The following VSTM5 variants were observed in gnomAD, a reference collection of about 807,000 sequenced individuals.
The protein encoded by VSTM5 is V-set and transmembrane domain containing 5.
A neutral mutation model predicts 20.3 loss-of-function variants in VSTM5; 21 were observed. The observed-to-expected ratio is 1.03, with a 90% confidence interval of 0.73 to 1.49. The LOEUF (loss-of-function observed/expected upper bound fraction) is 1.49, where lower values mean the gene tolerates loss of function less well. Among genes scored for constraint, VSTM5 ranks in the 40% most tolerant of loss-of-function variants. The pLI, the probability that VSTM5 is intolerant of heterozygous loss-of-function variation, is 0.00. For missense variants in VSTM5, 219 were observed against 250.0 expected, an observed-to-expected ratio of 0.88 and a Z score of 0.84; for synonymous variants, 100 against 102.5, an observed-to-expected ratio of 0.98 and a Z score of 0.14.
chr11:93,841,401 T>A (rs1006193622), intron 1 of VSTM5, among the ~76,000 whole-genome samples: 4 of 152,236 alleles, frequency 2.6e-5, no homozygotes, highest in Admixed American at 2.6e-4. Flanking sequence ...TTTGCTGAAT[T>A]CTTTGTTCAA....
chr11:93,849,623 A>G (rs559823018), intron 1 of VSTM5, among the ~76,000 whole-genome samples: 35 of 152,356 alleles, frequency 2.3e-4, no homozygotes, highest in Non-Finnish European at 4.4e-4. Context: ...TCTCACCTCC[A>G]GCGGCCCTGC....
At chr11:93,847,495 C>T (rs1269846426) in intron 1 of VSTM5, among the ~76,000 whole-genome samples, 2 of 152,228 alleles carry the variant, frequency 1.3e-5, no homozygotes, top group Non-Finnish European at 2.9e-5. Flanking sequence ...TTTCTGAGGA[C>T]TGGCCCCAGT....
At chr11:93,830,930 A>AT (rs1157794136) in intron 1 of VSTM5, among the ~76,000 whole-genome samples, 3 of 150,554 alleles carry the variant, frequency 2.0e-5, no homozygotes, top group African/African-American at 7.3e-5. Context: ...TTTTATTTTT[A>AT]TTTTTTTTGT....
intron 1 of VSTM5, 103 bp from the exon 2 acceptor site, chr11:93,821,426 T>C: frequency 9.1e-7 from 1 of 1,093,362 alleles, no homozygotes; most frequent in South Asian, 1.6e-5. Context: ...ATTGTGTGCC[T>C]ATTATATGCC....
At chr11:93,826,149 C>T (rs141237091) in intron 1 of VSTM5, among the ~76,000 whole-genome samples, 52 of 151,870 alleles carry the variant, frequency 3.4e-4, no homozygotes, top group African/African-American at 1.2e-3. Context: ...CTGAAGCAGG[C>T]GGATCACCTG....
intron 1 of VSTM5, among the ~76,000 whole-genome samples, chr11:93,842,735 C>G (rs1944380315): frequency 6.6e-6 from 1 of 152,206 alleles, no homozygotes; most frequent in South Asian, 2.1e-4. Context: ...GTGTTGTTAT[C>G]TCCCAACAAT....
chr11:93,828,971 G>A (rs1203191193), intron 1 of VSTM5, among the ~76,000 whole-genome samples: 1 of 152,152 alleles, frequency 6.6e-6, no homozygotes, highest in African/African-American at 2.4e-5. Flanking sequence ...TGGGAGATCT[G>A]GAAAAGTCCT....
chr11:93,850,301 C>A, intron 1 of VSTM5, 111 bp downstream of exon 1: 1 of 907,564 alleles, frequency 1.1e-6, no homozygotes, highest in South Asian at 1.8e-5. Context: ...CGCCCTCAGC[C>A]GGACAAGGTG....
In VSTM5 at chr11:93,820,875, A is replaced by G; in HGVS notation, c.427T>C (p.Tyr143His). The change falls in exon 3 of 4, where the codon TAT becomes CAT. Residue 143 changes from tyrosine to histidine, a missense_variant. By Grantham distance (83) the Tyr-to-His change is moderately conservative. Coordinates refer to ENST00000409977, the MANE Select transcript of VSTM5 (RefSeq NM_001144871.2). ...ACAGCGACAAAGTGCAGGTCTTCAT[A>G]GAGGATCTCTATGGAGTGAGGGTGA... ...TIVLHVSEIL[Y>H]EDLHFVAVIL... is the part of the protein sequence containing the mutation. The G allele has an allele frequency of 1.3e-6, 2 of 1,550,742 alleles. No individual in the cohort carries two copies. Among genetic ancestry groups the G allele is most frequent in the Non-Finnish European group, 1.7e-6 (2 of 1,146,986 alleles).
At chr11:93,824,479 G>T (rs1233014613) in intron 1 of VSTM5, among the ~76,000 whole-genome samples, 1 of 152,108 alleles carries the variant, frequency 6.6e-6, no homozygotes, top group East Asian at 1.9e-4. Flanking sequence ...GACTATTCAG[G>T]TCCTTGTGCC....
chr11:93,835,817 A>T (rs1172017760), intron 1 of VSTM5, among the ~76,000 whole-genome samples: 1 of 152,186 alleles, frequency 6.6e-6, no homozygotes, highest in African/African-American at 2.4e-5. Context: ...ACTTGGTAAC[A>T]CCTATTGGCT....
At chr11:93,843,913 G>A (rs766491119) in intron 1 of VSTM5, among the ~76,000 whole-genome samples, 3 of 151,968 alleles carry the variant, frequency 2.0e-5, no homozygotes, top group South Asian at 2.1e-4. Flanking sequence ...TCAGCTCACC[G>A]CTTTCCCATT....
chr11:93,835,277 G>T (rs1944314495), intron 1 of VSTM5, among the ~76,000 whole-genome samples: 1 of 152,116 alleles, frequency 6.6e-6, no homozygotes, highest in South Asian at 2.1e-4. Flanking sequence ...AAAAAAATTA[G>T]CCAGGTGTGG....
chr11:93,821,494 C>T, intron 1 of VSTM5, 171 bp from the exon 2 acceptor site: 1 of 653,474 alleles, frequency 1.5e-6, no homozygotes, highest in South Asian at 2.0e-5. Context: ...CACAAGGCTC[C>T]CTGGAGATAG....
intron 1 of VSTM5, among the ~76,000 whole-genome samples, chr11:93,844,733 C>T (rs183069328): frequency 1.3e-5 from 2 of 152,304 alleles, no homozygotes; most frequent in African/African-American, 2.4e-5. Flanking sequence ...CAAGAAGCTC[C>T]TCCCATTCCA....
At chr11:93,833,622 A>G (rs1187929114) in intron 1 of VSTM5, among the ~76,000 whole-genome samples, 1 of 152,162 alleles carries the variant, frequency 6.6e-6, no homozygotes, top group African/African-American at 2.4e-5. Flanking sequence ...TTATATTTCT[A>G]CTGGAAAATG....
At chr11:93,846,553 C>A (rs1035888333) in intron 1 of VSTM5, among the ~76,000 whole-genome samples, 1 of 151,786 alleles carries the variant, frequency 6.6e-6, no homozygotes, top group African/African-American at 2.4e-5. Flanking sequence ...GAGTTTCTCT[C>A]CCCTGAGTGA....
At chr11:93,836,248 T>C (rs1384786517) in intron 1 of VSTM5, among the ~76,000 whole-genome samples, 2 of 152,264 alleles carry the variant, frequency 1.3e-5, no homozygotes, top group East Asian at 3.8e-4. Context: ...TCACTATGCC[T>C]GCTTAATCCC....
intron 1 of VSTM5, among the ~76,000 whole-genome samples, chr11:93,835,852 G>C (rs532314313): frequency 6.6e-6 from 1 of 152,166 alleles, no homozygotes; most frequent in Non-Finnish European, 1.5e-5. Flanking sequence ...GGAGGAACTC[G>C]GTGGCTGGAG....
Sources: allele counts gnomAD v4.1 joint callset (sites outside exome capture counted in the v4.1 genomes callset), GRCh38; gene constraint gnomAD v4.1.1; transcripts MANE v1.5; gene names NCBI Gene and HGNC (gene_info 2026-07-23, HGNC 2026-07-21).